The following S100A13 variants were observed in gnomAD, a reference collection of about 807,000 sequenced individuals.
The protein encoded by S100A13 is S100 calcium binding protein A13.
S100A13 carries 6 observed loss-of-function variants against 8.2 expected under a neutral mutation model. The observed-to-expected ratio is 0.73, with a 90% CI of 0.40 to 1.44. The LOEUF is 1.44. Among genes scored for constraint, S100A13 ranks in the 40% most tolerant of loss-of-function variants. S100A13 has a pLI of 0.02. For missense variants in S100A13, 114 were observed against 113.6 expected (o/e 1.00, Z -0.02); for synonymous variants, 39 against 45.9 (o/e 0.85, Z 0.61).
Position 153,618,971 on chromosome 1 carries a change from T to C in S100A13, c.221A>G (p.Asn74Ser), listed in dbSNP as rs200573399. The change falls in exon 3 of 3, where the codon AAT becomes AGT. Residue 74 changes from asparagine to serine, a missense_variant. Coordinates refer to ENST00000476133, the MANE Select transcript of S100A13 (RefSeq NM_001024211.2). ...DVNQDSELKF[N>S]EYWRLIGELA... ...CTCCCCAATCAATCTCCAGTACTCA[T>C]TGAACTTGAGCTCCGAGTCCTGATT... The C allele has an allele frequency of 4.5e-5, 72 of 1,613,576 alleles. No individual in the cohort carries two copies. The highest frequency in any genetic ancestry group is 1.9e-4 in the South Asian group (17 of 91,074).
upstream of S100A13, chr1:153,628,166 T>C (rs1667785569): frequency 6.4e-7 from 1 of 1,550,414 alleles, no homozygotes; most frequent in Non-Finnish European, 8.7e-7. Context: ...AAGGCCCAGC[T>C]TGGGGTAAGA....
upstream of S100A13, chr1:153,631,727 G>T (rs369899959): frequency 2.0e-5 from 32 of 1,614,218 alleles, no homozygotes; most frequent in South Asian, 3.5e-4. Flanking sequence ...CTGTGGACAA[G>T]GTGATGAAGG....
intron 2 of S100A13, among the ~76,000 whole-genome samples, chr1:153,624,524 G>A: frequency 6.6e-6 from 1 of 150,954 alleles, no homozygotes. Flanking sequence ...TCCATTTCCA[G>A]GCCCAGAGGA....
chr1:153,627,795 G>A, upstream of S100A13: 1 of 480,292 alleles, frequency 2.1e-6, no homozygotes, highest in Non-Finnish European at 3.8e-6. Flanking sequence ...TGTCTAATCA[G>A]GAGTGTGTAT....
chr1:153,628,486 C>T, upstream of S100A13: 1 of 1,550,744 alleles, frequency 6.4e-7, no homozygotes, highest in Non-Finnish European at 8.7e-7. Context: ...CACCTCAGGC[C>T]CAGGCCAACC....
chr1:153,631,562 G>A (rs956135251), upstream of S100A13: 54 of 1,613,784 alleles, frequency 3.3e-5, no homozygotes, highest in Non-Finnish European at 4.3e-5. Flanking sequence ...CCTTTGAGGA[G>A]GCCTAGAAGA....
chr1:153,631,112 C>G (rs1306209934), upstream of S100A13: 1 of 301,942 alleles, frequency 3.3e-6, no homozygotes, highest in South Asian at 5.8e-5. Context: ...GAGGAGGTAA[C>G]TGAATGAACA....
chr1:153,628,248 AG>A, upstream of S100A13: 1 of 1,538,078 alleles, frequency 6.5e-7, no homozygotes, highest in Non-Finnish European at 8.8e-7. Context: ...CTGGAGAGAA[AG>A]GAACGGGGCA....
chr1:153,630,535 T>G, upstream of S100A13: 1 of 1,614,218 alleles, frequency 6.2e-7, no homozygotes, highest in Non-Finnish European at 8.5e-7. Flanking sequence ...GGCTCTGAGC[T>G]GGAGACGGCG....
At chr1:153,628,582 C>T (rs753452751), upstream of S100A13, 42 of 1,522,312 alleles carry the variant, frequency 2.8e-5, no homozygotes, top group Non-Finnish European at 3.7e-5. Context: ...AGGCTGGGGA[C>T]CATAGCACTG....
At chr1:153,625,780 C>A (rs571929804) in intron 2 of S100A13, among the ~76,000 whole-genome samples, 1 of 152,346 alleles carries the variant, frequency 6.6e-6, no homozygotes, top group African/African-American at 2.4e-5. Flanking sequence ...CATCTTCTGA[C>A]ACAAGACCAT....
At chr1:153,624,603 C>T (rs1468666344) in intron 2 of S100A13, among the ~76,000 whole-genome samples, 1 of 149,394 alleles carries the variant, frequency 6.7e-6, no homozygotes, top group African/African-American at 2.5e-5. Context: ...GAATGCTGTC[C>T]CTTCAGGAGA....
chr1:153,625,217 G>A (rs999025835), intron 2 of S100A13, among the ~76,000 whole-genome samples: 4 of 152,202 alleles, frequency 2.6e-5, no homozygotes, highest in African/African-American at 7.2e-5. Context: ...GCAACAGAGT[G>A]AGAAACCCTG....
At chr1:153,626,980 T>G (rs1009707958) in intron 1 of S100A13, 7 of 154,184 alleles carry the variant, frequency 4.5e-5, no homozygotes, top group Non-Finnish European at 1.0e-4. Context: ...CTCCAAAGCT[T>G]GTTTATGTTG....
chr1:153,623,944 G>T (rs1667442293), intron 2 of S100A13, among the ~76,000 whole-genome samples: 1 of 152,200 alleles, frequency 6.6e-6, no homozygotes. Context: ...GAGAGAGACA[G>T]AATCAACGGG....
intron 1 of S100A13, 79 bp from the exon 2 acceptor site, chr1:153,626,612 G>A: frequency 1.3e-6 from 1 of 785,150 alleles, no homozygotes; most frequent in Non-Finnish European, 2.0e-6. Context: ...TCCCTGCCTT[G>A]GTGTTATCAC....
upstream of S100A13, chr1:153,634,048 G>C (rs1383752963): frequency 6.5e-6 from 1 of 152,726 alleles, no homozygotes; most frequent in Admixed American, 6.5e-5. Flanking sequence ...ATTTTAGCCG[G>C]TCAGACAAGC....
At chr1:153,622,286 G>A (rs751159454) in intron 2 of S100A13, among the ~76,000 whole-genome samples, 2 of 152,072 alleles carry the variant, frequency 1.3e-5, no homozygotes, top group African/African-American at 2.4e-5. Context: ...CAGGAAAATC[G>A]CTTGAACCTG....
intron 2 of S100A13, among the ~76,000 whole-genome samples, chr1:153,619,655 G>A (rs1385292255): frequency 1.3e-5 from 2 of 152,174 alleles, no homozygotes; most frequent in African/African-American, 4.8e-5. Context: ...ACAGTAAACT[G>A]GATGTCCTGA....
Sources: gnomAD v4.1 joint callset for allele counts (sites outside exome capture counted in the v4.1 genomes callset) on GRCh38, gnomAD v4.1.1 for gene constraint, MANE v1.5 for transcripts, NCBI Gene and HGNC (gene_info 2026-07-23, HGNC 2026-07-21) for gene names.